The following NAV2 variants were observed in gnomAD, a reference collection of about 807,000 sequenced individuals.
The protein encoded by NAV2 is helicase, APC down-regulated 1.
NAV2 carries 54 observed loss-of-function variants against 223.2 expected under a neutral mutation model. That is an observed-to-expected ratio of 0.24 (90% CI 0.19 to 0.30). The LOEUF (loss-of-function observed/expected upper bound fraction) is 0.30, where lower values mean the gene tolerates loss of function less well. Ranked by LOEUF, NAV2 falls within the 10% of genes least tolerant of loss-of-function variation. The pLI, the probability that NAV2 is intolerant of heterozygous loss-of-function variation, is 1.00. For missense variants in NAV2, 2,806 were observed against 3,147.5 expected, an observed-to-expected ratio of 0.89 and a Z score of 2.60; for synonymous variants, 1,279 against 1,239.3, an observed-to-expected ratio of 1.03 and a Z score of -0.67.
In NAV2 at chr11:20,075,214, TTTG is replaced by T. The variant is rs1564994468; in HGVS notation, c.4984-2335_4984-2333del. Among the ~76,000 whole-genome samples the T allele has an allele frequency of 7.2e-3, 755 of 104,522 alleles. 2 individuals carry two copies. Among genetic ancestry groups the T allele is most frequent in the African/African-American group, 0.038 (728 of 19,308 alleles). 68.6% of individuals were successfully genotyped at this position (104,522 alleles called of 152,430 possible). On this transcript the variant is annotated intron_variant, in intron 22 of 37. Transcript: ENST00000349880. ...GCACTGTCTCCATGTTTTTTGTTTT[TTTG>T]TTTTGTTTTTTTTTTTTTTGAGACA...
intron 1 of NAV2, among the ~76,000 whole-genome samples, chr11:19,497,760 T>C (rs1480036829): frequency 6.6e-6 from 1 of 152,110 alleles, no homozygotes. Context: ...TTTTGGAGTG[T>C]CTCGGTTAGC....
At chr11:19,453,783 A>G (rs542433469) in intron 1 of NAV2, among the ~76,000 whole-genome samples, 22 of 152,288 alleles carry the variant, frequency 1.4e-4, no homozygotes, top group Middle Eastern at 6.8e-3. Context: ...TTATCCTTTT[A>G]AATGACTCTG....
the NAV2 span, among the ~76,000 whole-genome samples, chr11:19,345,566 C>T: frequency 0.016 from 2,505 of 152,296 alleles, 73 homozygotes; most frequent in African/African-American, 0.058. The surrounding 1 kb of genome is among the most constrained non-coding windows in gnomAD (Gnocchi z 5.2). Flanking sequence ...CTCAAGCCAC[C>T]CGGCCGCAGC....
At position 19,488,857 on chromosome 11, in the gene NAV2, T is replaced by G. The variant is rs572655389; in HGVS notation, c.75+137830T>G. On this transcript the variant is annotated intron_variant, in intron 1 of 37. Transcript: ENST00000360655. ...TGGGCAAGGCATGAGTCCAAACTCT[T>G]CATGCAGTATTTCACATGCCTACTG... 3.0e-4 allele frequency among the ~76,000 whole-genome samples: 46 copies of G among 152,366 alleles called. 1 individual carries two copies. The South Asian group carries it at 3.3e-3, about 11-fold the overall frequency.
chr11:19,905,792 T>G (rs905252881), intron 6 of NAV2, among the ~76,000 whole-genome samples: 8 of 152,184 alleles, frequency 5.3e-5, no homozygotes, highest in African/African-American at 1.9e-4. Flanking sequence ...TAGCCACAAT[T>G]TGAACCATTT....
At chr11:19,729,374 C>T (rs1321584934) in intron 1 of NAV2, among the ~76,000 whole-genome samples, 1 of 152,140 alleles carries the variant, frequency 6.6e-6, no homozygotes, top group Admixed American at 6.5e-5. Flanking sequence ...CTTCTCCCTG[C>T]TGCCATTGGC....
In NAV2 at chr11:19,880,146, C is replaced by T; in HGVS notation, c.770+19C>T. ...AGTCCAGGTGGGGGCTCCTTGCCAACTGATGGTTCTGTTTTTCAGGCACCT... is the reference window on the plus strand; with the variant it reads ...AGTCCAGGTGGGGGCTCCTTGCCAATTGATGGTTCTGTTTTTCAGGCACCT... On this transcript the variant is annotated intron_variant, in intron 5 of 37. Transcript: ENST00000349880. The T allele has an allele frequency of 6.5e-7, 1 of 1,545,248 alleles. No individual in the cohort carries two copies. Among genetic ancestry groups the T allele is most frequent in the South Asian group, 1.3e-5 (1 of 79,654 alleles).
At chr11:20,020,532 A>C (rs188280840) in intron 11 of NAV2, among the ~76,000 whole-genome samples, 38 of 152,246 alleles carry the variant, frequency 2.5e-4, no homozygotes, top group Non-Finnish European at 4.3e-4. Flanking sequence ...CCATGAGAAA[A>C]CCCTGACTCA....
chr11:19,777,696 A>T lies in NAV2; in HGVS notation c.268-54788A>T, dbSNP rs1186020244. On this transcript the variant is annotated intron_variant, in intron 1 of 37. Transcript: ENST00000349880. ...ATCTCAGGGGAGGTGTGTGTGTTTA[A>T]ACCAGGAAAGTCGATGTGTGTATGT... is the stretch of plus-strand genomic sequence containing the variant. 6 of 398,776 alleles carry T rather than the reference A, an allele frequency of 1.5e-5. No individual in the cohort carries two copies. In the East Asian group the frequency reaches 4.4e-4, roughly 29 times the overall value. 24.7% of individuals were successfully genotyped at this position (398,776 alleles called of 1,614,324 possible).
chr11:19,901,539 A>G (rs1222545606), intron 6 of NAV2, among the ~76,000 whole-genome samples: 1 of 152,164 alleles, frequency 6.6e-6, no homozygotes, highest in Non-Finnish European at 1.5e-5. Flanking sequence ...AGAGCGAGAA[A>G]AGAGAACACT....
At chr11:19,743,870 A>T (rs2053086000) in intron 1 of NAV2, among the ~76,000 whole-genome samples, 1 of 152,176 alleles carries the variant, frequency 6.6e-6, no homozygotes, top group African/African-American at 2.4e-5. Context: ...CTGGCATGGA[A>T]GGTTTGGGTC....
intron 11 of NAV2, among the ~76,000 whole-genome samples, chr11:19,992,507 T>G (rs2051436785): frequency 6.6e-6 from 1 of 152,192 alleles, no homozygotes; most frequent in Non-Finnish European, 1.5e-5. Context: ...CTTCATAACT[T>G]TGTTCCATAA....
chr11:19,977,986 G>GT (rs145867497), intron 10 of NAV2, among the ~76,000 whole-genome samples: 76,148 of 144,266 alleles, frequency 0.53, 21,055 homozygotes, highest in Middle Eastern at 0.72. Flanking sequence ...GTTTTTTTTT[G>GT]TTTTTTTTGG....
At chr11:19,350,874 C>A in exon 1 of NAV2, 1 of 1,414,620 alleles carries the variant, frequency 7.1e-7, no homozygotes, top group Non-Finnish European at 9.8e-7. Flanking sequence ...TTGCATGCAT[C>A]ACTTTTGTGT....
intron 11 of NAV2, among the ~76,000 whole-genome samples, chr11:20,017,221 G>A (rs1272263697): frequency 6.6e-6 from 1 of 152,106 alleles, no homozygotes; most frequent in African/African-American, 2.4e-5. Flanking sequence ...TTCTCCAGAG[G>A]ATAGTCTTTC....
At chr11:20,102,585 G>A (rs2061716327) in intron 32 of NAV2, among the ~76,000 whole-genome samples, 1 of 152,190 alleles carries the variant, frequency 6.6e-6, no homozygotes. Context: ...CTGGCTCTAA[G>A]TGATGCCAGC....
At chr11:19,563,595 G>A (rs1050374928) in intron 1 of NAV2, among the ~76,000 whole-genome samples, 4 of 152,200 alleles carry the variant, frequency 2.6e-5, no homozygotes, top group Non-Finnish European at 5.9e-5. Flanking sequence ...CAATGTGCTT[G>A]TTAAAATGCT....
At chr11:19,609,334 C>A (rs552229560) in intron 1 of NAV2, among the ~76,000 whole-genome samples, 62 of 151,636 alleles carry the variant, frequency 4.1e-4, no homozygotes, top group African/African-American at 1.4e-3. Context: ...TTGAGAGTTG[C>A]AAATTGAGAA....
chr11:20,055,678 C>G, intron 18 of NAV2, 91 bp from the exon 19 acceptor site: 1 of 1,177,830 alleles, frequency 8.5e-7, no homozygotes, highest in Non-Finnish European at 1.2e-6. Context: ...ACACATGTGG[C>G]TAAAAATAAG....
Sources: gnomAD v4.1 joint callset for allele counts (sites outside exome capture counted in the v4.1 genomes callset) on GRCh38, gnomAD v4.1.1 for gene constraint, Gnocchi (gnomAD v3.1) non-coding constraint, MANE v1.5 for transcripts, NCBI Gene and HGNC (gene_info 2026-07-23, HGNC 2026-07-21) for gene names.